TLL2: variants seen among roughly 807,000 people sequenced by gnomAD.
TLL2 encodes the protein tolloid-like protein 2.
TLL2 carries 106 observed loss-of-function variants against 123.0 expected under a neutral mutation model. The observed-to-expected ratio is 0.86, with a 90% confidence interval of 0.74 to 1.01. The LOEUF (loss-of-function observed/expected upper bound fraction) is 1.01, where lower values mean the gene tolerates loss of function less well. TLL2 is among the 50% of genes least tolerant of loss of function. The pLI is 0.00. For synonymous variants in TLL2, 494 were observed against 516.8 expected (o/e 0.96, Z 0.60); for missense variants, 1,332 against 1,336.7 (o/e 1.00, Z 0.06).
At chr10:96,470,523 C>T (rs776075776) in intron 2 of TLL2, among the ~76,000 whole-genome samples, 32 of 152,140 alleles carry the variant, frequency 2.1e-4, no homozygotes, top group Non-Finnish European at 3.7e-4. Flanking sequence ...GGTTTAGCAC[C>T]CATAAGCCTG....
At chr10:96,456,938 G>A (rs1233175973) in intron 2 of TLL2, among the ~76,000 whole-genome samples, 2 of 152,206 alleles carry the variant, frequency 1.3e-5, no homozygotes, top group East Asian at 1.9e-4. Context: ...ACGGGGATGG[G>A]AGGGAGTCAG....
chr10:96,452,204 A>G (rs983035059), intron 2 of TLL2, among the ~76,000 whole-genome samples: 1 of 152,242 alleles, frequency 6.6e-6, no homozygotes, highest in African/African-American at 2.4e-5. Context: ...AAATTAAAAC[A>G]GAGTTGTATG....
chr10:96,494,788 T>G (rs1253962437), intron 1 of TLL2, among the ~76,000 whole-genome samples: 1 of 152,234 alleles, frequency 6.6e-6, no homozygotes, highest in Non-Finnish European at 1.5e-5. Context: ...ACCAGCTCAG[T>G]GTTTCTGGAG....
intron 2 of TLL2, among the ~76,000 whole-genome samples, chr10:96,473,048 GC>G (rs11433390): frequency 2.0e-5 from 3 of 151,610 alleles, no homozygotes; most frequent in Non-Finnish European, 2.9e-5. Context: ...GGTTCCATCA[GC>G]CCCCCCCAAT....
At chr10:96,456,731 C>T (rs554317111) in intron 2 of TLL2, among the ~76,000 whole-genome samples, 4 of 152,334 alleles carry the variant, frequency 2.6e-5, no homozygotes, top group Non-Finnish European at 1.5e-5. Flanking sequence ...GGCTTACCAC[C>T]TGCCTCAAAT....
chr10:96,399,177 A>G (rs781134307), intron 10 of TLL2, among the ~76,000 whole-genome samples: 13 of 152,148 alleles, frequency 8.5e-5, no homozygotes, highest in Non-Finnish European at 1.3e-4. Context: ...GGCTGTGATG[A>G]AAATATTCTA....
chr10:96,408,772 T>C (rs1014852644), intron 9 of TLL2, among the ~76,000 whole-genome samples: 1 of 152,252 alleles, frequency 6.6e-6, no homozygotes, highest in Non-Finnish European at 1.5e-5. Flanking sequence ...TCTACTAGCC[T>C]GGCCCCTTTG....
At chr10:96,374,970 G>A (rs868690459) in intron 18 of TLL2, among the ~76,000 whole-genome samples, 7 of 145,070 alleles carry the variant, frequency 4.8e-5, no homozygotes, top group East Asian at 2.1e-4. Context: ...GCGGGGGGGG[G>A]GGGGGGGTGT....
At chr10:96,508,311 C>T (rs72812962) in intron 1 of TLL2, among the ~76,000 whole-genome samples, 21,139 of 152,210 alleles carry the variant, frequency 0.14, 1,784 homozygotes, top group East Asian at 0.36. Context: ...GGGCTGCTGG[C>T]AACAGCTGCC....
Position 96,386,194 on chromosome 10 carries a change from G to T in TLL2, c.1874C>A (p.Thr625Asn). ...GCTGGTGATGGTTCCATTCAGCTTG[G>T]TAATGAAACCGCCACAGGCCACTGC... Reference protein sequence around the residue: ...MCEVACGGFITKLNGTITSPG... With the variant: ...MCEVACGGFINKLNGTITSPG... Residue 625 changes from threonine to asparagine, a missense_variant, in exon 15 of 21, where the codon ACC (threonine) becomes AAC (asparagine). Physicochemically the swap from Thr to Asn is moderately conservative, Grantham distance 65. Transcript: ENST00000357947. The T allele has an allele frequency of 6.2e-7, 1 of 1,600,452 alleles. No individual in the cohort carries two copies.
chr10:96,466,245 A>G (rs893305804), intron 2 of TLL2, among the ~76,000 whole-genome samples: 1 of 152,220 alleles, frequency 6.6e-6, no homozygotes, highest in Non-Finnish European at 1.5e-5. Flanking sequence ...GCCTTTCCTC[A>G]GTGTTTGTGG....
intron 1 of TLL2, among the ~76,000 whole-genome samples, chr10:96,486,207 C>T (rs1181976300): frequency 5.3e-5 from 8 of 152,072 alleles, no homozygotes; most frequent in African/African-American, 1.2e-4. Context: ...ATTGACTATA[C>T]GTGGAATAAA....
At position 96,386,196 on chromosome 10, in the gene TLL2, A is replaced by T; in HGVS notation, c.1872T>A (p.Ile624=). The change falls in exon 15 of 21, where the codon ATT becomes ATA. Residue 624 remains isoleucine, a synonymous_variant. Transcript: ENST00000357947. The stretch of plus-strand genomic sequence containing the variant: ...TGGTGATGGTTCCATTCAGCTTGGT[A>T]ATGAAACCGCCACAGGCCACTGCAC... ...KMCEVACGGF[I]TKLNGTITSP... 1 of 1,600,240 alleles carries T rather than the reference A, an allele frequency of 6.2e-7. No homozygotes were observed. Among genetic ancestry groups the T allele is most frequent in the Non-Finnish European group, 8.5e-7 (1 of 1,172,514 alleles).
chr10:96,476,240 A>ATATATATTTTTTTT, intron 2 of TLL2, among the ~76,000 whole-genome samples: 1 of 20,498 alleles, frequency 4.9e-5, no homozygotes, highest in Non-Finnish European at 1.0e-4. Context: ...ATATATATAT[A>ATATATATTTTTTTT]TTTTATTTTT....
At position 96,512,267 on chromosome 10, in the gene TLL2, C is replaced by A. The variant is rs74151367; in HGVS notation, c.175+1244G>T. On this transcript the variant is annotated intron_variant, in intron 1 of 20. Transcript: ENST00000357947. ...TGACCCTCCCAACCCCCAGCCTAGA[C>A]CCGAGCCACTGCAGTGATAGAAACA... Among the ~76,000 whole-genome samples, 969 of 152,280 alleles carry A rather than the reference C, an allele frequency of 6.4e-3. 14 individuals carry two copies. The highest frequency in any genetic ancestry group is 0.022 in the African/African-American group (921 of 41,558).
chr10:96,505,391 GTTGT>G (rs1847569606), intron 1 of TLL2, among the ~76,000 whole-genome samples: 2 of 152,338 alleles, frequency 1.3e-5, no homozygotes, highest in South Asian at 4.1e-4. Context: ...GATCACTTTG[GTTGT>G]TCAGATATTT....
In TLL2 at chr10:96,428,632, C is replaced by T; in HGVS notation, c.637G>A (p.Gly213Ser). The stretch of plus-strand genomic sequence containing the variant: ...GTGGCCTCGCTTTCGTTTACTTACC[C>T]ACAGGTTCTGTAACTGAATACAATA... The part of the protein sequence containing the change: ...SFIVFSYRTC[G>S]CCSYVGRRGG... The change falls in exon 5 of 21, where the codon GGC becomes AGC. Residue 213 changes from glycine (G) to serine (S), a missense_variant and splice_region_variant. Coordinates refer to ENST00000357947, the MANE Select transcript of TLL2 (RefSeq NM_012465.4). 6.2e-7 allele frequency: 1 copy of T among 1,609,942 alleles called. No homozygotes were observed.
chr10:96,379,265 G>T (rs796171478), intron 16 of TLL2, among the ~76,000 whole-genome samples, 173 bp from the exon 17 acceptor site: 2 of 152,178 alleles, frequency 1.3e-5, no homozygotes, highest in African/African-American at 4.8e-5. Flanking sequence ...TTCACCTCAG[G>T]TTTCTTGGGT....
At chr10:96,429,908 A>G (rs1807166408) in intron 4 of TLL2, among the ~76,000 whole-genome samples, 1 of 152,202 alleles carries the variant, frequency 6.6e-6, no homozygotes, top group South Asian at 2.1e-4. Flanking sequence ...ACGTATAGTC[A>G]GTCAGTTCTT....
Sources: gnomAD v4.1 joint callset for allele counts (sites outside exome capture counted in the v4.1 genomes callset) on GRCh38, gnomAD v4.1.1 for gene constraint, MANE v1.5 for transcripts, NCBI Gene and HGNC (gene_info 2026-07-23, HGNC 2026-07-21) for gene names.